The following ZIM2 variants were observed in gnomAD, a reference collection of about 807,000 sequenced individuals.
ZIM2 encodes zinc finger protein 656.
In ZIM2, 14 loss-of-function variants were observed where a neutral mutation model predicts 38.6. The observed-to-expected ratio is 0.36, with a 90% CI of 0.24 to 0.57. The LOEUF (loss-of-function observed/expected upper bound fraction) is 0.57, where lower values mean the gene tolerates loss of function less well. Among genes scored for constraint, ZIM2 ranks in the 20% least tolerant of loss-of-function variants. The pLI is 0.81. For missense variants in ZIM2, 680 were observed against 695.1 expected (o/e 0.98, Z 0.24); for synonymous variants, 247 against 245.8 (o/e 1.00, Z -0.04).
intron 9 of ZIM2, chr19:56,811,931 C>G: frequency 1.0e-6 from 1 of 985,230 alleles, no homozygotes; most frequent in Admixed American, 6.1e-5. Context: ...TTCTTTGACT[C>G]ACTCATTTCT....
chr19:56,833,383 C>T (rs150041566), intron 2 of ZIM2: 325 of 350,496 alleles, frequency 9.3e-4, no homozygotes, highest in African/African-American at 6.7e-3. Context: ...TGTGTGGTCT[C>T]GTCTCTCTTC....
chr19:56,802,513 T>C (rs1024827966), intron 9 of ZIM2, among the ~76,000 whole-genome samples: 1 of 152,112 alleles, frequency 6.6e-6, no homozygotes, highest in Non-Finnish European at 1.5e-5. Flanking sequence ...AAAATACCAA[T>C]TAGTGTAAGA....
chr19:56,815,200 T>G, intron 9 of ZIM2: 1 of 1,614,006 alleles, frequency 6.2e-7, no homozygotes, highest in Non-Finnish European at 8.5e-7. Context: ...AATTGTCTCC[T>G]GACCATGGGT....
In ZIM2 at chr19:56,774,673, G is replaced by A; in HGVS notation, c.*15C>T. On this transcript the variant is annotated 3_prime_UTR_variant, in exon 13 of 13. Transcript: ENST00000629319. ...AATAATGTTGAGAAAAGTGTGTGCT[G>A]TGACTAAAGGTTTCTCAACAGTGAT... 1.2e-6 allele frequency: 2 copies of A among 1,609,708 alleles called. No individual in the cohort carries two copies. Among genetic ancestry groups the A allele is most frequent in the South Asian group, 1.1e-5 (1 of 90,524 alleles).
chr19:56,822,201 T>C (rs866942341), intron 6 of ZIM2, among the ~76,000 whole-genome samples: 32 of 152,258 alleles, frequency 2.1e-4, no homozygotes, highest in African/African-American at 7.5e-4. Flanking sequence ...CTTCTCCTGA[T>C]CAATTTTAGG....
At chr19:56,778,712 T>A (rs937431017) in intron 12 of ZIM2, among the ~76,000 whole-genome samples, 2 of 152,160 alleles carry the variant, frequency 1.3e-5, no homozygotes, top group Non-Finnish European at 2.9e-5. Context: ...AATCCCTCTA[T>A]GACTTTAGCC....
chr19:56,816,134 C>T (rs1343608787), intron 9 of ZIM2: 10 of 1,613,638 alleles, frequency 6.2e-6, no homozygotes, highest in East Asian at 4.5e-5. Context: ...GATTTTGCCT[C>T]ATAGACATTT....
chr19:56,831,342 G>A (rs571727996), intron 2 of ZIM2, among the ~76,000 whole-genome samples: 2 of 152,240 alleles, frequency 1.3e-5, no homozygotes, highest in East Asian at 1.9e-4. Flanking sequence ...ATATAAACTA[G>A]GAACTTTCTT....
chr19:56,774,929 T>G lies in ZIM2; in HGVS notation c.1436A>C (p.Lys479Thr). The change falls in exon 13 of 13, where the codon AAG (lysine) becomes ACG (threonine). Residue 479 changes from lysine to threonine, a missense_variant. Lys to Thr is a moderately conservative substitution (Grantham distance 78, BLOSUM62 -1). Transcript: ENST00000629319. Reference sequence around the variant, plus strand: ...CCGCTGATAACGAATTAAGTATGTCTTGCTGTGGGACAACCCAGGAGGAAG... The same window carrying G: ...CCGCTGATAACGAATTAAGTATGTCGTGCTGTGGGACAACCCAGGAGGAAG... Reference protein sequence around the residue: ...RVLPPGLSHSKTYLIRYQRKH... With the variant: ...RVLPPGLSHSTTYLIRYQRKH... 1 of 1,614,210 alleles carries G rather than the reference T, an allele frequency of 6.2e-7. No individual in the cohort carries two copies.
intron 1 of ZIM2, among the ~76,000 whole-genome samples, chr19:56,839,605 G>A (rs906566917): frequency 3.3e-5 from 5 of 152,150 alleles, no homozygotes; most frequent in African/African-American, 1.2e-4. Context: ...GCCTTGCCCC[G>A]CCCCACTTGC....
At chr19:56,821,901 G>A in intron 6 of ZIM2, 147 bp from the exon 7 acceptor site, 2 of 838,610 alleles carry the variant, frequency 2.4e-6, no homozygotes, top group Non-Finnish European at 3.7e-6. Context: ...GGCAGCCTCT[G>A]AGGAGTCCCA....
chr19:56,836,099 G>C lies in ZIM2; in HGVS notation c.-308C>G. ...CCAAGAAGGACGGAAGATCAAGAAG[G>C]CAAAGCTGTAGAGGAAAAGAAAATG... On this transcript the variant is annotated 5_prime_UTR_variant, in exon 2 of 13. Coordinates refer to ENST00000629319, the MANE Select transcript of ZIM2 (RefSeq NM_001387356.1). The C allele has an allele frequency of 4.1e-6, 2 of 484,156 alleles. No individual in the cohort carries two copies. Among genetic ancestry groups the C allele is most frequent in the South Asian group, 3.0e-5 (2 of 66,322 alleles). 30.0% of individuals were successfully genotyped at this position (484,156 alleles called of 1,614,324 possible).
intron 2 of ZIM2, among the ~76,000 whole-genome samples, chr19:56,827,353 A>G (rs1002178564): frequency 6.6e-6 from 1 of 152,192 alleles, no homozygotes; most frequent in Non-Finnish European, 1.5e-5. Context: ...GGCCAATAGA[A>G]CTTGGCCCTT....
intron 10 of ZIM2, chr19:56,782,387 C>G: frequency 2.1e-6 from 1 of 476,348 alleles, no homozygotes; most frequent in Non-Finnish European, 4.0e-6. Flanking sequence ...TACTTAAAAG[C>G]TCAGCAGTAT....
intron 9 of ZIM2, among the ~76,000 whole-genome samples, chr19:56,808,900 T>G (rs187636595): frequency 1.4e-4 from 21 of 152,114 alleles, no homozygotes; most frequent in Admixed American, 1.3e-3. Context: ...CCCCAACCCA[T>G]ATGACCACCT....
chr19:56,821,982 C>CA (rs2060537652), intron 6 of ZIM2, among the ~76,000 whole-genome samples: 8 of 152,096 alleles, frequency 5.3e-5, no homozygotes, highest in Admixed American at 5.2e-4. Context: ...CTTCTGCTCC[C>CA]AGTCTCGGAG....
intron 9 of ZIM2, chr19:56,815,065 T>C (rs963471333): frequency 1.2e-6 from 2 of 1,614,032 alleles, no homozygotes; most frequent in Non-Finnish European, 8.5e-7. Context: ...GTGGACTTTC[T>C]GATGGTCTGT....
intron 9 of ZIM2, chr19:56,815,164 T>A: frequency 6.2e-7 from 1 of 1,614,016 alleles, no homozygotes; most frequent in Non-Finnish European, 8.5e-7. Flanking sequence ...GTCTTCCATG[T>A]CTGAGCCTTG....
At chr19:56,812,665 TGA>T in intron 9 of ZIM2, 2 of 985,760 alleles carry the variant, frequency 2.0e-6, no homozygotes, top group Non-Finnish European at 2.4e-6. Flanking sequence ...ATTTACAGCA[TGA>T]GAGCCTCTCC....
Sources: allele counts gnomAD v4.1 joint callset (sites outside exome capture counted in the v4.1 genomes callset), GRCh38; gene constraint gnomAD v4.1.1; transcripts MANE v1.5; gene names NCBI Gene and HGNC (gene_info 2026-07-23, HGNC 2026-07-21).